DLG2: variants seen among roughly 807,000 people sequenced by gnomAD.
DLG2 encodes the protein disks large homolog 2.
DLG2 carries 45 observed loss-of-function variants against 132.5 expected under a neutral mutation model. The observed-to-expected ratio is 0.34, with a 90% CI of 0.27 to 0.44. The LOEUF is 0.44. Ranked by LOEUF, DLG2 falls within the 20% of genes least tolerant of loss-of-function variation. DLG2 has a pLI of 1.00. For missense variants in DLG2, 1,045 were observed against 1,196.9 expected, an observed-to-expected ratio of 0.87 and a Z score of 1.87; for synonymous variants, 424 against 419.6, an observed-to-expected ratio of 1.01 and a Z score of -0.13.
chr11:84,955,373 C>T (rs893688788), intron 6 of DLG2: 45 of 152,198 alleles, frequency 3.0e-4, no homozygotes, highest in Admixed American at 8.5e-4. Context: ...GATTAAGTAA[C>T]TGGCCCAAGA....
intron 14 of DLG2, among the ~76,000 whole-genome samples, chr11:83,948,869 C>T (rs753882761): frequency 1.3e-5 from 2 of 152,144 alleles, no homozygotes; most frequent in South Asian, 4.1e-4. Context: ...CTTAGAGTGT[C>T]TAACACATTG....
Position 85,111,678 on chromosome 11 carries a change from G to T in DLG2, c.340C>A (p.Pro114Thr). Reference sequence around the variant, plus strand: ...AAACTTACAGTACAGTGGTGGACAGGCATCCAAGCAGGGGCTTCCACTGAA... The same window carrying T: ...AAACTTACAGTACAGTGGTGGACAGTCATCCAAGCAGGGGCTTCCACTGAA... ...NCSVEAPAWM[P>T]VHHCTKYRYQ... The change falls in exon 6 of 28, where the codon CCT becomes ACT. Residue 114 changes from proline (P) to threonine (T), a missense_variant. Physicochemically the swap from Pro to Thr is conservative, Grantham distance 38. Transcript: ENST00000376104. 6.4e-7 allele frequency: 1 copy of T among 1,564,566 alleles called. No individual in the cohort carries two copies. The highest frequency in any genetic ancestry group is 8.7e-7 in the Non-Finnish European group (1 of 1,153,732).
intron 7 of DLG2, among the ~76,000 whole-genome samples, chr11:84,342,609 T>C (rs1006208805): frequency 2.6e-5 from 4 of 152,206 alleles, no homozygotes; most frequent in Non-Finnish European, 5.9e-5. Context: ...AGGTTTATTA[T>C]GAAGACTAAA....
At chr11:85,379,416 G>A (rs2085693273) in intron 3 of DLG2, among the ~76,000 whole-genome samples, 1 of 152,134 alleles carries the variant, frequency 6.6e-6, no homozygotes, top group Admixed American at 6.6e-5. Context: ...CCTAGTACAG[G>A]AATGCTCTAT....
chr11:85,478,352 T>C (rs770088326), intron 3 of DLG2, among the ~76,000 whole-genome samples: 1 of 152,132 alleles, frequency 6.6e-6, no homozygotes, highest in Non-Finnish European at 1.5e-5. Flanking sequence ...GTAATTATTC[T>C]AATAGAATTA....
chr11:84,545,269 G>T (rs1470824217), intron 6 of DLG2: 2 of 494,822 alleles, frequency 4.0e-6, no homozygotes, highest in Non-Finnish European at 8.0e-6. Context: ...TCTCCTCATG[G>T]GTCCAAAATT....
At chr11:85,093,919 A>C (rs2069275285) in intron 6 of DLG2, among the ~76,000 whole-genome samples, 1 of 152,152 alleles carries the variant, frequency 6.6e-6, no homozygotes, top group Admixed American at 6.5e-5. Context: ...TTGCATCTCA[A>C]ACCATACTTA....
At chr11:83,480,436 TAA>T (rs1361744125) in intron 22 of DLG2, 1 of 1,534,298 alleles carries the variant, frequency 6.5e-7, no homozygotes, top group Non-Finnish European at 8.7e-7. Context: ...CACAGCAAAT[TAA>T]AGAGATACCA....
At chr11:84,893,520 C>T (rs942286424) in intron 6 of DLG2, among the ~76,000 whole-genome samples, 1 of 152,140 alleles carries the variant, frequency 6.6e-6, no homozygotes, top group Non-Finnish European at 1.5e-5. Flanking sequence ...GCTCAGGTCC[C>T]TTCTTCCTAT....
chr11:83,639,605 T>C (rs1591479628), intron 18 of DLG2, among the ~76,000 whole-genome samples: 1 of 114,540 alleles, frequency 8.7e-6, no homozygotes, highest in Non-Finnish European at 1.8e-5. Context: ...CGGGGCCTGT[T>C]GTGGGGTGGG....
chr11:83,698,993 G>A (rs776488370), intron 18 of DLG2, among the ~76,000 whole-genome samples: 6 of 152,152 alleles, frequency 3.9e-5, no homozygotes, highest in East Asian at 1.9e-4. Flanking sequence ...GCAGGTAGAC[G>A]TCCAGCAGGG....
intron 11 of DLG2, among the ~76,000 whole-genome samples, chr11:84,058,906 A>G (rs1396427748): frequency 1.3e-5 from 2 of 152,008 alleles, no homozygotes; most frequent in African/African-American, 2.4e-5. Flanking sequence ...ATATCACAAC[A>G]TTATAAAAAT....
chr11:85,390,780 TA>T (rs2086730782), intron 3 of DLG2, among the ~76,000 whole-genome samples: 1 of 151,908 alleles, frequency 6.6e-6, no homozygotes, highest in South Asian at 2.1e-4. Context: ...CTCTTGGATA[TA>T]ACAAAAGCAG....
intron 8 of DLG2, among the ~76,000 whole-genome samples, chr11:84,228,039 T>C (rs2097031273): frequency 6.6e-6 from 1 of 152,146 alleles, no homozygotes; most frequent in South Asian, 2.1e-4. Flanking sequence ...GTGTTAGATA[T>C]ATTTAAATCA....
intron 15 of DLG2, among the ~76,000 whole-genome samples, chr11:83,928,168 T>C (rs1340253572): frequency 2.0e-5 from 3 of 151,788 alleles, no homozygotes; most frequent in South Asian, 2.1e-4. Context: ...GGGGACCAAA[T>C]TAGAATAAAT....
intron 5 of DLG2, among the ~76,000 whole-genome samples, chr11:85,117,679 G>C (rs1201611182): frequency 6.8e-6 from 1 of 147,528 alleles, no homozygotes; most frequent in African/African-American, 2.5e-5. Flanking sequence ...AATGAAAAGA[G>C]AAGTCTATGA....
At chr11:83,720,314 A>G (rs12803061) in intron 18 of DLG2, among the ~76,000 whole-genome samples, 4,524 of 144,780 alleles carry the variant, frequency 0.031, 141 homozygotes, top group South Asian at 0.069. Context: ...AAAAAAAAAA[A>G]AAAAAAAAAA....
chr11:83,477,523 G>A (rs1396039940), intron 22 of DLG2, among the ~76,000 whole-genome samples: 1 of 152,064 alleles, frequency 6.6e-6, no homozygotes, highest in African/African-American at 2.4e-5. Flanking sequence ...AAACATGTAA[G>A]ACTTTGAAGT....
At chr11:84,501,083 G>T (rs1475733399) in intron 7 of DLG2, among the ~76,000 whole-genome samples, 4 of 152,128 alleles carry the variant, frequency 2.6e-5, no homozygotes, top group African/African-American at 9.7e-5. Flanking sequence ...ATAATAGGTT[G>T]TCAAACAGAA....
Sources: allele counts gnomAD v4.1 joint callset (sites outside exome capture counted in the v4.1 genomes callset), GRCh38; gene constraint gnomAD v4.1.1; transcripts MANE v1.5; gene names NCBI Gene and HGNC (gene_info 2026-07-23, HGNC 2026-07-21).